FNDC8: variants seen among roughly 807,000 people sequenced by gnomAD.
FNDC8 encodes fibronectin type III domain-containing protein 8.
A neutral mutation model predicts 24.8 loss-of-function variants in FNDC8; 23 were observed. The observed-to-expected ratio is 0.93, with a 90% confidence interval of 0.67 to 1.31. The LOEUF is 1.31. FNDC8 is among the 40% of genes most tolerant of loss of function. FNDC8 has a pLI of 0.00. For synonymous variants in FNDC8, 158 were observed against 165.3 expected (o/e 0.96, Z 0.34); for missense variants, 371 against 398.2 (o/e 0.93, Z 0.58).
chr17:35,123,079 GA>G (rs1233770278), intron 1 of FNDC8, among the ~76,000 whole-genome samples: 1 of 152,148 alleles, frequency 6.6e-6, no homozygotes, highest in Admixed American at 6.5e-5. Flanking sequence ...GATGTGGGCT[GA>G]GGGAATTACT....
In FNDC8 at chr17:35,127,215, A is replaced by C. The variant is rs748928024; in HGVS notation, c.383A>C (p.Lys128Thr). The change falls in exon 2 of 4, where the codon AAG (lysine) becomes ACG (threonine). Residue 128 changes from lysine to threonine, a missense_variant. Physicochemically the swap from Lys to Thr is moderately conservative, Grantham distance 78 (BLOSUM62 -1). Coordinates refer to ENST00000158009, the MANE Select transcript of FNDC8 (RefSeq NM_017559.4). ...AAACTCAGCTTCTCCCCAATGGCCAAGAATGCAGAAAATGAGGACCTGGCG... is the reference window on the plus strand; with the variant it reads ...AAACTCAGCTTCTCCCCAATGGCCACGAATGCAGAAAATGAGGACCTGGCG... Reference protein sequence around the residue: ...LNKLSFSPMAKNAENEDLALG... With the variant: ...LNKLSFSPMATNAENEDLALG... 5 of 1,613,890 alleles carry C rather than the reference A, an allele frequency of 3.1e-6. No homozygotes were observed. The highest frequency in any genetic ancestry group is 4.2e-6 in the Non-Finnish European group (5 of 1,179,938).
intron 1 of FNDC8, 81 bp downstream of exon 1, chr17:35,121,983 CTTCCTTTTT>C: frequency 1.0e-6 from 1 of 956,598 alleles, no homozygotes; most frequent in South Asian, 1.7e-5. Flanking sequence ...TCCTTCCTTC[CTTCCTTTTT>C]TTTTTTTTTT....
In FNDC8 at chr17:35,129,616, A is replaced by G; in HGVS notation, c.780A>G (p.Ala260=). The G allele has an allele frequency of 6.2e-7, 1 of 1,614,156 alleles. No homozygotes were observed. ...PNTCYCLSVR[A]ANTAGVGKWC... ...CGTGTTACTGCCTCAGTGTCCGTGC[A>G]GCCAACACAGCTGGGGTGGGGAAGT... The change falls in exon 3 of 4, where the codon GCA becomes GCG. Residue 260 remains alanine, a synonymous_variant. Transcript: ENST00000158009.
At chr17:35,129,690 T>C in intron 3 of FNDC8, 32 bp downstream of exon 3, 1 of 1,602,382 alleles carries the variant, frequency 6.2e-7, no homozygotes, top group Non-Finnish European at 8.5e-7. Flanking sequence ...GCCTTGGGGG[T>C]GGAGAGAAGT....
intron 2 of FNDC8, 57 bp from the exon 3 acceptor site, chr17:35,129,365 A>G (rs2091862299): frequency 1.3e-6 from 2 of 1,580,438 alleles, no homozygotes; most frequent in South Asian, 1.2e-5. Flanking sequence ...GGGAGGGTGA[A>G]GGGACAGGAA....
intron 1 of FNDC8, among the ~76,000 whole-genome samples, chr17:35,122,197 TA>T (rs2091831436): frequency 4.6e-4 from 9 of 19,446 alleles, no homozygotes; most frequent in African/African-American, 2.5e-3. Flanking sequence ...TATATATATA[TA>T]TATATATATA....
At chr17:35,128,099 T>G (rs373026441) in intron 2 of FNDC8, among the ~76,000 whole-genome samples, 2 of 152,238 alleles carry the variant, frequency 1.3e-5, no homozygotes, top group East Asian at 3.8e-4. Context: ...TTATAGACTT[T>G]TCTGTAAGTA....
At chr17:35,127,701 G>C (rs1363648166) in intron 2 of FNDC8, among the ~76,000 whole-genome samples, 4 of 152,230 alleles carry the variant, frequency 2.6e-5, no homozygotes, top group Admixed American at 6.5e-5. Flanking sequence ...GGGATGTAGA[G>C]GTAGCATGTA....
chr17:35,125,799 G>T (rs1341347366), intron 1 of FNDC8, among the ~76,000 whole-genome samples: 1 of 152,168 alleles, frequency 6.6e-6, no homozygotes, highest in Non-Finnish European at 1.5e-5. Flanking sequence ...TAGATGAGGA[G>T]TAAATGGAGG....
intron 2 of FNDC8, among the ~76,000 whole-genome samples, chr17:35,128,336 G>A (rs2142493748): frequency 6.6e-6 from 1 of 152,360 alleles, no homozygotes; most frequent in African/African-American, 2.4e-5. Flanking sequence ...TTGGGGCGGA[G>A]CCCAGTAATC....
At chr17:35,125,090 A>G (rs2091844141) in intron 1 of FNDC8, among the ~76,000 whole-genome samples, 1 of 151,908 alleles carries the variant, frequency 6.6e-6, no homozygotes, top group African/African-American at 2.4e-5. Context: ...AGAAAAAAGA[A>G]ATGTTAAGTG....
In FNDC8 at chr17:35,122,210, A is replaced by ATATTTTTTTT. The variant is rs1567738668; in HGVS notation, c.209+309_209+310insATTTTTTTTT. Among the ~76,000 whole-genome samples the ATATTTTTTTT allele has an allele frequency of 4.5e-5, 2 of 44,800 alleles. 1 individual carries two copies. Among genetic ancestry groups the ATATTTTTTTT allele is most frequent in the African/African-American group, 1.6e-4 (2 of 12,888 alleles). The allele number at this position is 44,800 out of a possible 152,430, so 29.4% of individuals were successfully genotyped here. A position where few individuals can be genotyped will look rare whatever the true frequency, so the allele number is the denominator to read the frequency against. On this transcript the variant is annotated intron_variant, in intron 1 of 3. Coordinates refer to ENST00000158009, the MANE Select transcript of FNDC8 (RefSeq NM_017559.4). ...TATATATATATATATATATATATAA[A>ATATTTTTTTT]TTTTTTTTTTTGGTAGAAACGGGGT...
intron 3 of FNDC8, chr17:35,130,064 G>A: frequency 2.8e-6 from 4 of 1,415,392 alleles, no homozygotes; most frequent in South Asian, 1.6e-5. Flanking sequence ...ATAGAGGCCT[G>A]AGTACAGACA....
chr17:35,123,332 A>G (rs1231418331), intron 1 of FNDC8, among the ~76,000 whole-genome samples: 3 of 152,164 alleles, frequency 2.0e-5, no homozygotes. Flanking sequence ...AGGTATGGCT[A>G]AAGTGATGGA....
intron 1 of FNDC8, among the ~76,000 whole-genome samples, chr17:35,123,836 G>A (rs2091839542): frequency 6.6e-6 from 1 of 152,158 alleles, no homozygotes; most frequent in South Asian, 2.1e-4. Context: ...CAGAGCTGTT[G>A]TGAACATCAG....
intron 1 of FNDC8, among the ~76,000 whole-genome samples, chr17:35,122,379 G>A (rs1205255764): frequency 6.6e-6 from 1 of 151,012 alleles, no homozygotes; most frequent in Admixed American, 6.6e-5. Context: ...TGGGCAGAGA[G>A]ACAAAGAATC....
At chr17:35,126,497 C>CATTTTTTTTTT (rs1555571324) in intron 1 of FNDC8, among the ~76,000 whole-genome samples, 5 of 112,046 alleles carry the variant, frequency 4.5e-5, no homozygotes, top group African/African-American at 3.5e-5. Flanking sequence ...ATTTTCTAAG[C>CATTTTTTTTTT]TTTTTTTTTT....
Position 35,129,653 on chromosome 17 carries a change from TA to T in FNDC8, c.818del (p.Tyr273SerfsTer141). On this transcript the variant is annotated frameshift_variant, in exon 3 of 4. Transcript: ENST00000158009. LOFTEE classifies it high-confidence loss of function. ...TAGVGKWCKPYKFATLATDFS... is the reference protein window; with the variant it reads ...TAGVGKWCKPXKFATLATDFS... ...TGGGGTGGGGAAGTGGTGCAAGCCC[TA>T]CAAAGTGAGCCCTGGGAAAAGAGGG... The T allele has an allele frequency of 6.2e-7, 1 of 1,613,468 alleles. No homozygotes were observed. The highest frequency in any genetic ancestry group is 8.5e-7 in the Non-Finnish European group (1 of 1,179,832).
In FNDC8 at chr17:35,130,509, C is replaced by A; in HGVS notation, c.*75C>A. 3 of 1,474,292 alleles carry A rather than the reference C, an allele frequency of 2.0e-6. No homozygotes were observed. The highest frequency in any genetic ancestry group is 2.8e-6 in the Non-Finnish European group (3 of 1,078,332). 91.3% of individuals were successfully genotyped at this position (1,474,292 alleles called of 1,614,324 possible). On this transcript the variant is annotated 3_prime_UTR_variant, in exon 4 of 4. Coordinates refer to ENST00000158009, the MANE Select transcript of FNDC8 (RefSeq NM_017559.4). ...GCCCTCAGAAACCAGAGCCATGAGACCTACCATACCACCAGCACCCTGCGG... is the reference window on the plus strand; with the variant it reads ...GCCCTCAGAAACCAGAGCCATGAGAACTACCATACCACCAGCACCCTGCGG...
Sources: allele counts gnomAD v4.1 joint callset (sites outside exome capture counted in the v4.1 genomes callset), GRCh38; gene constraint gnomAD v4.1.1; transcripts MANE v1.5; gene names NCBI Gene and HGNC (gene_info 2026-07-23, HGNC 2026-07-21).